Variants in RAB37 observed in about 807,000 individuals in gnomAD.
RAB37 encodes the protein ras-related protein Rab-37.
A neutral mutation model predicts 33.1 loss-of-function variants in RAB37; 29 were observed. That is an observed-to-expected ratio of 0.88 (90% CI 0.65 to 1.20). RAB37 has a LOEUF of 1.20. RAB37 is among the 50% of genes most tolerant of loss of function. The pLI is 0.00. For missense variants in RAB37, 299 were observed against 301.1 expected, an observed-to-expected ratio of 0.99 and a Z score of 0.05; for synonymous variants, 128 against 119.5, an observed-to-expected ratio of 1.07 and a Z score of -0.47.
At position 74,738,488 on chromosome 17, in the gene RAB37, G is replaced by A. The variant is rs1408311380; in HGVS notation, c.93+1123G>A. On this transcript the variant is annotated intron_variant, in intron 1 of 8. Transcript: ENST00000392613. The surrounding 1 kb of genome is among the most constrained non-coding windows in gnomAD (Gnocchi z 5.0). ...ACCTTGTTGCCCTGCAAACCAGCTGGGTTGTTTGCCTAGGAGGTGGCCAGG... is the reference window on the plus strand; with the variant it reads ...ACCTTGTTGCCCTGCAAACCAGCTGAGTTGTTTGCCTAGGAGGTGGCCAGG... Among the ~76,000 whole-genome samples the A allele has an allele frequency of 1.3e-5, 2 of 152,198 alleles. No homozygotes were observed. Among genetic ancestry groups the A allele is most frequent in the Admixed American group, 6.5e-5 (1 of 15,286 alleles).
At position 74,738,364 on chromosome 17, in the gene RAB37, T is replaced by C. The variant is rs1357272284; in HGVS notation, c.93+999T>C. Among the ~76,000 whole-genome samples the C allele has an allele frequency of 6.6e-6, 1 of 152,134 alleles. No individual in the cohort carries two copies. On this transcript the variant is annotated intron_variant, in intron 1 of 8. Coordinates refer to ENST00000392613, the MANE Select transcript of RAB37 (RefSeq NM_001006638.3). The surrounding 1 kb of genome is among the most constrained non-coding windows in gnomAD (Gnocchi z 5.0). ...AGTCATCCGCCCAGAGCCGTTGAGA[T>C]AGGCGTCCTGTGTGGGCTTGTGGCA...
chr17:74,722,067 C>T (rs1352222951), intron 1 of RAB37, among the ~76,000 whole-genome samples: 4 of 151,804 alleles, frequency 2.6e-5, no homozygotes, highest in Admixed American at 6.6e-5. Flanking sequence ...AGGCTGAGGA[C>T]GGTGGATCAC....
At chr17:74,723,013 G>A (rs757111119) in intron 1 of RAB37, among the ~76,000 whole-genome samples, 10 of 152,208 alleles carry the variant, frequency 6.6e-5, no homozygotes, top group East Asian at 1.9e-4. Flanking sequence ...CTCCCATTGA[G>A]AGGCCTGGAT....
chr17:74,671,149 G>T lies in RAB37; in HGVS notation c.-438G>T. ...TGGTGACGGAGATGCCCGTTCGCTC[G>T]GGATCAGGAACGGTGAGCTCCTGGG... On this transcript the variant is annotated 5_prime_UTR_variant, in exon 1 of 8. Transcript: ENST00000340415. The surrounding 1 kb of genome is among the most constrained non-coding windows in gnomAD (Gnocchi z 5.0). 1 of 176,636 alleles carries T rather than the reference G, an allele frequency of 5.7e-6. No individual in the cohort carries two copies. The allele number at this position is 176,636 out of a possible 1,614,324, so 10.9% of individuals were successfully genotyped here. A position where few individuals can be genotyped will look rare whatever the true frequency, so the allele number is the denominator to read the frequency against.
Position 74,745,306 on chromosome 17 carries a change from G to T in RAB37, c.567G>T (p.Lys189Asn). ...CCCAGCCCATTGTCTCTTCTTCAAG[G>T]GAACTGAAATACCGGGCCGGGCATC... ...NVELAFLAIA[K>N]ELKYRAGHQA... The change falls in exon 9 of 9, where the codon AAG (lysine) becomes AAT (asparagine). Residue 189 changes from lysine (K) to asparagine (N), a missense_variant and splice_region_variant. Transcript: ENST00000392613. This position sits in a 1 kb window ranked among gnomAD's most constrained non-coding sequence, Gnocchi z 4.5. The T allele has an allele frequency of 6.2e-7, 1 of 1,613,784 alleles. No individual in the cohort carries two copies. The highest frequency in any genetic ancestry group is 8.5e-7 in the Non-Finnish European group (1 of 1,179,864).
chr17:74,745,616 GC>G lies in RAB37; in HGVS notation c.*206del. 5.4e-6 allele frequency: 3 copies of G among 556,380 alleles called. No individual in the cohort carries two copies. The highest frequency in any genetic ancestry group is 9.6e-6 in the Non-Finnish European group (3 of 314,114). The allele number at this position is 556,380 out of a possible 1,614,324, so 34.5% of individuals were successfully genotyped here. A position where few individuals can be genotyped will look rare whatever the true frequency, so the allele number is the denominator to read the frequency against. On this transcript the variant is annotated 3_prime_UTR_variant, in exon 9 of 9. Coordinates refer to ENST00000392613, the MANE Select transcript of RAB37 (RefSeq NM_001006638.3). This position sits in a 1 kb window ranked among gnomAD's most constrained non-coding sequence, Gnocchi z 4.5. ...ATCCACAGGGAGGGTAAAACACTTA[GC>G]TTTTATTTTAATAGTACATAATTTA...
At chr17:74,726,734 C>T (rs890038136) in intron 1 of RAB37, among the ~76,000 whole-genome samples, 3 of 152,216 alleles carry the variant, frequency 2.0e-5, no homozygotes, top group Admixed American at 6.5e-5. Flanking sequence ...GCATTCCCTT[C>T]CATGTCACTG....
At chr17:74,732,266 A>G (rs2144036398), upstream of RAB37, among the ~76,000 whole-genome samples, 2 of 152,296 alleles carry the variant, frequency 1.3e-5, no homozygotes, top group East Asian at 3.9e-4. Context: ...GGGGCCCAGA[A>G]TCTGGGGGTT....
At chr17:74,713,319 A>C (rs2143979066) in intron 1 of RAB37, among the ~76,000 whole-genome samples, 1 of 151,496 alleles carries the variant, frequency 6.6e-6, no homozygotes, top group South Asian at 2.1e-4. Context: ...CAAAAACAAA[A>C]AAAAAAAAAA....
At position 74,730,378 on chromosome 17, in the gene RAB37, G is replaced by T. The variant is rs1018148835; in HGVS notation, c.183+1012G>T. Among the ~76,000 whole-genome samples the T allele has an allele frequency of 1.3e-5, 2 of 152,190 alleles. No homozygotes were observed. Among genetic ancestry groups the T allele is most frequent in the Non-Finnish European group, 2.9e-5 (2 of 68,026 alleles). On this transcript the variant is annotated intron_variant, in intron 2 of 7. Transcript: ENST00000340415. This position sits in a 1 kb window ranked among gnomAD's most constrained non-coding sequence, Gnocchi z 4.4. The stretch of plus-strand genomic sequence containing the variant: ...GAGGAAAACTCAGAAAAATGGGCTT[G>T]CCCACTGGGTCACAGCCAGGAAGGC...
chr17:74,672,973 C>T (rs35997170), intron 1 of RAB37: 16,593 of 152,234 alleles, frequency 0.11, 1,143 homozygotes, highest in Non-Finnish European at 0.16. Context: ...CCCTCCAGGT[C>T]TCTGAATTCC....
At chr17:74,679,966 AGGCTCTGTCTC>A in intron 1 of RAB37, among the ~76,000 whole-genome samples, 1 of 130,320 alleles carries the variant, frequency 7.7e-6, no homozygotes. Context: ...TGACACAGCA[AGGCTCTGTCTC>A]AAAAAAAAAA....
At chr17:74,736,694 A>C (rs1429889379), upstream of RAB37, 1 of 1,535,754 alleles carries the variant, frequency 6.5e-7, no homozygotes, top group African/African-American at 1.4e-5. Context: ...CGCACCAGGC[A>C]GAGGCCCCAA....
chr17:74,694,472 G>C (rs2032247048), intron 1 of RAB37: 1 of 152,212 alleles, frequency 6.6e-6, no homozygotes, highest in Non-Finnish European at 1.5e-5. Context: ...GGCATCTGAA[G>C]GCTGCGGCAT....
At chr17:74,733,454 G>GTGTGGTGTGAGGTATGTGA (rs1567811693), upstream of RAB37, among the ~76,000 whole-genome samples, 19 of 426 alleles carry the variant, frequency 0.045, no homozygotes, top group Middle Eastern at 0.17. Flanking sequence ...TGTGAGGTGT[G>GTGTGGTGTGAGGTATGTGA]TGTGATTTGA....
At chr17:74,713,009 G>C in intron 1 of RAB37, 2 of 860,410 alleles carry the variant, frequency 2.3e-6, no homozygotes, top group Admixed American at 5.0e-5. Flanking sequence ...GAGACTAAAA[G>C]AGGAAGGAGG....
At chr17:74,698,480 G>C in intron 1 of RAB37, 1 of 1,613,042 alleles carries the variant, frequency 6.2e-7, no homozygotes, top group Non-Finnish European at 8.5e-7. Context: ...AGGAGCTTGT[G>C]CCTAGAAACA....
intron 1 of RAB37, chr17:74,712,709 C>A (rs898375564): frequency 5.7e-6 from 6 of 1,054,276 alleles, no homozygotes; most frequent in Non-Finnish European, 8.6e-6. Flanking sequence ...GTGGATGAAA[C>A]GCACAAGGCT....
intron 1 of RAB37, among the ~76,000 whole-genome samples, chr17:74,675,269 T>C (rs560125324): frequency 6.6e-6 from 1 of 152,082 alleles, no homozygotes; most frequent in East Asian, 1.9e-4. Context: ...ACCCCATTTC[T>C]ACTAAAAATA....
Sources: gnomAD v4.1 joint callset for allele counts (sites outside exome capture counted in the v4.1 genomes callset) on GRCh38, gnomAD v4.1.1 for gene constraint, Gnocchi (gnomAD v3.1) non-coding constraint, MANE v1.5 for transcripts, NCBI Gene and HGNC (gene_info 2026-07-23, HGNC 2026-07-21) for gene names.